The following MYT1L variants were observed in gnomAD, a reference collection of about 807,000 sequenced individuals.
The protein encoded by MYT1L is myelin transcription factor 1-like protein.
A neutral mutation model predicts 126.7 loss-of-function variants in MYT1L; 12 were observed. The ratio of observed to expected loss-of-function variants is 0.09; its 90% CI spans 0.06 to 0.15. MYT1L has a LOEUF of 0.15. Among genes scored for constraint, MYT1L ranks in the 10% least tolerant of loss-of-function variants. MYT1L has a pLI of 1.00. For missense variants in MYT1L, 979 were observed against 1,585.2 expected (o/e 0.62, Z 6.49); for synonymous variants, 541 against 604.2 (o/e 0.90, Z 1.53).
At chr2:2,031,197 A>G (rs2066201172) in intron 4 of MYT1L, among the ~76,000 whole-genome samples, 1 of 152,250 alleles carries the variant, frequency 6.6e-6, no homozygotes, top group Non-Finnish European at 1.5e-5. Flanking sequence ...AGCTGTCCAA[A>G]ATCTTTCTGA....
rs79762333 is a variant in MYT1L, at chr2:1,806,949, T to G, written c.3172+2127A>C. On this transcript the variant is annotated intron_variant, in intron 22 of 24. Transcript: ENST00000647738. The surrounding 1 kb of genome is among the most constrained non-coding windows in gnomAD (Gnocchi z 4.9). ...CATGCAGATGGGGCTTAGGGAATGT[T>G]TTCTTTCTGGCAAGGAGCACTGCTC... is the stretch of plus-strand genomic sequence containing the variant. 0.019 allele frequency among the ~76,000 whole-genome samples: 2,856 copies of G among 152,318 alleles called. 35 individuals carry two copies. Among genetic ancestry groups the G allele is most frequent in the Non-Finnish European group, 0.026 (1,747 of 68,030 alleles).
chr2:1,989,433 T>C (rs982088249), intron 5 of MYT1L, among the ~76,000 whole-genome samples: 1 of 152,154 alleles, frequency 6.6e-6, no homozygotes, highest in Non-Finnish European at 1.5e-5. Flanking sequence ...GAGTGCACCC[T>C]ACATCTTCTC....
At chr2:1,825,252 A>C (rs1006259996) in intron 21 of MYT1L, 6 of 152,280 alleles carry the variant, frequency 3.9e-5, no homozygotes, top group African/African-American at 1.2e-4. Flanking sequence ...GGGGCCCCCC[A>C]GGAGCTGCCA....
intron 20 of MYT1L, 77 bp from the exon 21 acceptor site, chr2:1,839,447 A>T: frequency 7.6e-7 from 1 of 1,312,774 alleles, no homozygotes; most frequent in Admixed American, 2.1e-5. Flanking sequence ...AGTCAGAATA[A>T]CCCGGCATGA....
intron 8 of MYT1L, among the ~76,000 whole-genome samples, chr2:1,960,146 C>T (rs767066857): frequency 2.2e-4 from 34 of 152,160 alleles, no homozygotes; most frequent in Non-Finnish European, 4.0e-4. Flanking sequence ...AAATTGTCTA[C>T]ACAGGCAGAA....
chr2:1,911,716 C>T (rs1414163895), intron 12 of MYT1L, among the ~76,000 whole-genome samples: 2 of 152,186 alleles, frequency 1.3e-5, no homozygotes, highest in Admixed American at 6.5e-5. Flanking sequence ...ACTAGGACAG[C>T]CCTGTCTTCA....
intron 3 of MYT1L, among the ~76,000 whole-genome samples, chr2:2,099,510 C>T (rs955774973): frequency 2.6e-5 from 4 of 152,156 alleles, no homozygotes. Context: ...AAATTTTCAG[C>T]ACTTGCCGTT....
chr2:2,306,857 G>T (rs959925128), intron 1 of MYT1L, among the ~76,000 whole-genome samples: 10 of 152,120 alleles, frequency 6.6e-5, no homozygotes, highest in Admixed American at 6.6e-4. Context: ...GCCTCATAGG[G>T]TAGGTTACAC....
chr2:2,007,871 C>T (rs1051202251), intron 4 of MYT1L, among the ~76,000 whole-genome samples: 1 of 152,154 alleles, frequency 6.6e-6, no homozygotes, highest in South Asian at 2.1e-4. Context: ...ATTAATAGGC[C>T]TTCCCCCAAA....
At chr2:1,881,355 CGTGTGTGTGTGTGTGTGTGTGTGTGT>C (rs59171974) in intron 18 of MYT1L, among the ~76,000 whole-genome samples, 10 of 139,226 alleles carry the variant, frequency 7.2e-5, no homozygotes, top group African/African-American at 2.6e-4. Flanking sequence ...TTTGCAGGTT[CGTGTGTGTGTGTGTGTGTGTGTGTGT>C]GTGTGTGTGT....
chr2:1,882,149 C>T (rs1376178376), intron 18 of MYT1L, among the ~76,000 whole-genome samples: 1 of 152,162 alleles, frequency 6.6e-6, no homozygotes, highest in Non-Finnish European at 1.5e-5. Flanking sequence ...ACCCTACAAG[C>T]CTGCAGTATT....
At chr2:1,893,154 C>A (rs2049137454) in intron 14 of MYT1L, among the ~76,000 whole-genome samples, 1 of 152,194 alleles carries the variant, frequency 6.6e-6, no homozygotes, top group African/African-American at 2.4e-5. Context: ...GCCAAACCAG[C>A]ACTGAGGGGC....
intron 21 of MYT1L, among the ~76,000 whole-genome samples, chr2:1,831,871 G>A (rs1358874713): frequency 6.6e-6 from 1 of 152,022 alleles, no homozygotes; most frequent in Non-Finnish European, 1.5e-5. Flanking sequence ...TGAGTCCCGG[G>A]GTGAACCTGC....
At chr2:1,947,501 C>T (rs1013423500) in intron 8 of MYT1L, among the ~76,000 whole-genome samples, 1 of 152,080 alleles carries the variant, frequency 6.6e-6, no homozygotes, top group African/African-American at 2.4e-5. Flanking sequence ...TGTCTGAGTC[C>T]CAACCTTGGA....
chr2:2,093,908 T>C (rs2077162273), intron 3 of MYT1L, among the ~76,000 whole-genome samples: 1 of 152,264 alleles, frequency 6.6e-6, no homozygotes, highest in African/African-American at 2.4e-5. Context: ...TTTCTACATA[T>C]GGCTAGCCAG....
intron 8 of MYT1L, among the ~76,000 whole-genome samples, chr2:1,947,002 A>T (rs72767312): frequency 0.029 from 4,415 of 152,272 alleles, 91 homozygotes; most frequent in Non-Finnish European, 0.048. Context: ...GGTCATAATG[A>T]CCGGAGCTTT....
intron 18 of MYT1L, among the ~76,000 whole-genome samples, chr2:1,883,132 C>A (rs999097605): frequency 1.3e-5 from 2 of 152,168 alleles, no homozygotes; most frequent in African/African-American, 4.8e-5. Context: ...CTTTTTCCTA[C>A]AAGGAGTTAC....
chr2:1,837,688 G>A lies in MYT1L; in HGVS notation c.3080+1461C>T, dbSNP rs2041097309. Among the ~76,000 whole-genome samples, 5 of 152,180 alleles carry A rather than the reference G, an allele frequency of 3.3e-5. No individual in the cohort carries two copies. In the South Asian group the frequency reaches 1.0e-3, roughly 32 times the overall value. On this transcript the variant is annotated intron_variant, in intron 21 of 24. Coordinates refer to ENST00000647738, the MANE Select transcript of MYT1L (RefSeq NM_001303052.2). ...GCTCTGTGACACCCTGGGCTTCTGT[G>A]CACCTAACAAGGAACGCCCTGTCTG...
At chr2:2,060,664 TCCCTCCCCTC>T (rs532978653) in intron 3 of MYT1L, among the ~76,000 whole-genome samples, 94 of 135,178 alleles carry the variant, frequency 7.0e-4, no homozygotes, top group African/African-American at 2.3e-3. Context: ...TCTCCCTGTC[TCCCTCCCCTC>T]CCCTCCCCTC....
Sources: allele counts gnomAD v4.1 joint callset (sites outside exome capture counted in the v4.1 genomes callset), GRCh38; gene constraint gnomAD v4.1.1; non-coding constraint Gnocchi (gnomAD v3.1); transcripts MANE v1.5; gene names NCBI Gene and HGNC (gene_info 2026-07-23, HGNC 2026-07-21).